Variants in SYNPR observed in about 807,000 individuals in gnomAD.
SYNPR encodes the protein synaptoporin.
Under a neutral mutation model 32.9 loss-of-function variants are expected in SYNPR, and 23 were observed. The observed-to-expected ratio is 0.70, with a 90% CI of 0.50 to 0.99. The LOEUF (loss-of-function observed/expected upper bound fraction) is 0.99, where lower values mean the gene tolerates loss of function less well. SYNPR is among the 50% of genes least tolerant of loss of function. The pLI is 0.00. For synonymous variants in SYNPR, 146 were observed against 135.9 expected (o/e 1.07, Z -0.52); for missense variants, 318 against 349.3 (o/e 0.91, Z 0.71).
chr3:63,396,658 A>C (rs745426464), intron 2 of SYNPR, among the ~76,000 whole-genome samples: 1 of 152,188 alleles, frequency 6.6e-6, no homozygotes, highest in African/African-American at 2.4e-5. Context: ...GGGACCATCA[A>C]TACTTAAAAT....
chr3:63,414,203 A>C (rs892125741), intron 2 of SYNPR, among the ~76,000 whole-genome samples: 2 of 152,282 alleles, frequency 1.3e-5, no homozygotes, highest in African/African-American at 4.8e-5. Context: ...ATTTAATAAC[A>C]GCTTTCTGCT....
chr3:63,205,584 C>T, the SYNPR span, among the ~76,000 whole-genome samples: 1 of 152,254 alleles, frequency 6.6e-6, no homozygotes, highest in Admixed American at 6.5e-5. Flanking sequence ...CATCGTCACA[C>T]TGCTCTGCTG....
In SYNPR at chr3:63,249,865, G is replaced by A. The variant is rs189702336; in HGVS notation, n.67-2634G>A. Among the ~76,000 whole-genome samples the A allele has an allele frequency of 3.1e-3, 467 of 152,178 alleles. 1 individual carries two copies. The highest frequency in any genetic ancestry group is 9.9e-3 in the African/African-American group (412 of 41,534). ...GATTGCATGCCTTGCTTTGGGGGAT[G>A]AATGACACAGCAGAATGCAAATAAC... On this transcript the variant is annotated intron_variant and non_coding_transcript_variant, in intron 1 of 4. Coordinates refer to the SYNPR transcript ENST00000478456.
chr3:63,574,410 A>G (rs1190242902), intron 4 of SYNPR, among the ~76,000 whole-genome samples: 4 of 152,114 alleles, frequency 2.6e-5, no homozygotes, highest in African/African-American at 9.7e-5. Flanking sequence ...CCACCCAAGT[A>G]TGGGTTAAGT....
chr3:63,230,916 A>T (rs2106873059), intron 1 of SYNPR, among the ~76,000 whole-genome samples: 1 of 152,292 alleles, frequency 6.6e-6, no homozygotes, highest in African/African-American at 2.4e-5. Context: ...ATTATATATA[A>T]GGAGGATGTC....
chr3:63,332,582 A>G (rs1424220873), intron 2 of SYNPR, among the ~76,000 whole-genome samples: 1 of 152,180 alleles, frequency 6.6e-6, no homozygotes, highest in African/African-American at 2.4e-5. Context: ...GTATGGGTGG[A>G]TGGGTTTTAA....
At chr3:63,442,698 T>C (rs1052838135) in intron 2 of SYNPR, among the ~76,000 whole-genome samples, 2 of 152,168 alleles carry the variant, frequency 1.3e-5, no homozygotes, top group African/African-American at 2.4e-5. Flanking sequence ...AACACTCCTG[T>C]GACGAGTGAG....
the SYNPR span, among the ~76,000 whole-genome samples, chr3:63,211,732 A>C: frequency 6.8e-6 from 1 of 146,468 alleles, no homozygotes; most frequent in Non-Finnish European, 1.5e-5. Context: ...ATTATACTTT[A>C]AGTTTTAGGG....
At position 63,599,084 on chromosome 3, in the gene SYNPR, G is replaced by C. The variant is rs537984630; in HGVS notation, c.409-10041G>C. Among the ~76,000 whole-genome samples the C allele has an allele frequency of 1.8e-4, 28 of 152,228 alleles. No individual in the cohort carries two copies. In the South Asian group the frequency reaches 5.8e-3, roughly 32 times the overall value. On this transcript the variant is annotated intron_variant, in intron 4 of 5. Coordinates refer to ENST00000478300, the MANE Select transcript of SYNPR (RefSeq NM_001130003.2). ...CTTCTGCTTAGATCATGCTAGTACA[G>C]TCATGTACCCCATTATGGATGTTTT...
chr3:63,397,085 C>A (rs1317475303), intron 2 of SYNPR, among the ~76,000 whole-genome samples: 1 of 124,234 alleles, frequency 8.0e-6, no homozygotes, highest in Non-Finnish European at 1.6e-5. Flanking sequence ...GCCTGGGCAA[C>A]AGAGCGAGAC....
chr3:63,494,470 C>CAT (rs1559516460), intron 3 of SYNPR, among the ~76,000 whole-genome samples: 12 of 91,004 alleles, frequency 1.3e-4, no homozygotes, highest in African/African-American at 4.8e-4. Context: ...CATATATACA[C>CAT]ATATATACAT....
At chr3:63,408,309 AAG>A in intron 2 of SYNPR, among the ~76,000 whole-genome samples, 3 of 118,124 alleles carry the variant, frequency 2.5e-5, no homozygotes, top group African/African-American at 1.2e-4. Flanking sequence ...GGAAGGAAGG[AAG>A]GAAGGAAGGA....
At position 63,282,147 on chromosome 3, in the gene SYNPR, T is replaced by C. The variant is rs148901442; in HGVS notation, c.84+3405T>C. ...AGTAGATATTTGATTCTTCAGTGTTTGATTTTTTTCATTAGTTGAAGTGAG... is the reference window on the plus strand; with the variant it reads ...AGTAGATATTTGATTCTTCAGTGTTCGATTTTTTTCATTAGTTGAAGTGAG... On this transcript the variant is annotated intron_variant, in intron 2 of 5. Transcript: ENST00000478300. 9.1e-3 allele frequency among the ~76,000 whole-genome samples: 1,393 copies of C among 152,382 alleles called. 8 individuals carry two copies. The highest frequency in any genetic ancestry group is 0.014 in the Non-Finnish European group (971 of 68,034).
intron 1 of SYNPR, among the ~76,000 whole-genome samples, chr3:63,242,995 CA>C (rs2086259756): frequency 6.6e-6 from 1 of 151,726 alleles, no homozygotes; most frequent in African/African-American, 2.4e-5. Context: ...GAAAAATGTA[CA>C]TATTAGAATA....
At chr3:63,476,657 G>A (rs941980520) in intron 2 of SYNPR, among the ~76,000 whole-genome samples, 1 of 152,108 alleles carries the variant, frequency 6.6e-6, no homozygotes, top group Admixed American at 6.5e-5. Flanking sequence ...AACTTGGGAA[G>A]TCTAGAGACC....
intron 4 of SYNPR, among the ~76,000 whole-genome samples, chr3:63,566,541 G>A (rs1261329660): frequency 6.6e-6 from 1 of 152,076 alleles, no homozygotes; most frequent in African/African-American, 2.4e-5. Flanking sequence ...TAAAACCTAG[G>A]TCCTAGCCTC....
intron 4 of SYNPR, among the ~76,000 whole-genome samples, chr3:63,571,381 C>T (rs1337804089): frequency 2.6e-5 from 4 of 152,106 alleles, no homozygotes; most frequent in Admixed American, 1.3e-4. Context: ...AGGTATTAAT[C>T]ATTGTGTTTT....
chr3:63,335,913 G>A lies in SYNPR; in HGVS notation c.84+57171G>A, dbSNP rs184829554. On this transcript the variant is annotated intron_variant, in intron 2 of 5. Transcript: ENST00000478300. ...TGCCTCAGCCTCCCCAGTAGCTGGG[G>A]TTACAGGCATGTGCCACCACACCCA... Among the ~76,000 whole-genome samples the A allele has an allele frequency of 2.9e-3, 434 of 151,826 alleles. 3 individuals carry two copies. Among genetic ancestry groups the A allele is most frequent in the African/African-American group, 9.7e-3 (401 of 41,390 alleles).
At chr3:63,347,181 C>T (rs1181249744) in intron 2 of SYNPR, among the ~76,000 whole-genome samples, 1 of 152,122 alleles carries the variant, frequency 6.6e-6, no homozygotes, top group Non-Finnish European at 1.5e-5. Context: ...CCTAAGTAAT[C>T]CATTTTCTTA....
Sources: allele counts gnomAD v4.1 joint callset (sites outside exome capture counted in the v4.1 genomes callset), GRCh38; gene constraint gnomAD v4.1.1; transcripts MANE v1.5; gene names NCBI Gene and HGNC (gene_info 2026-07-23, HGNC 2026-07-21).